ADAM8: variants seen among roughly 807,000 people sequenced by gnomAD.
ADAM8 encodes the protein disintegrin and metalloproteinase domain-containing protein 8.
ADAM8 carries 104 observed loss-of-function variants against 102.4 expected under a neutral mutation model. The observed-to-expected ratio is 1.02, with a 90% CI of 0.87 to 1.20. The LOEUF is 1.20. Among genes scored for constraint, ADAM8 ranks in the 50% most tolerant of loss-of-function variants. The pLI is 0.00. For missense variants in ADAM8, 1,132 were observed against 1,159.0 expected (o/e 0.98, Z 0.34); for synonymous variants, 517 against 485.2 (o/e 1.07, Z -0.86).
At chr10:133,271,990 C>T in intron 10 of ADAM8, 36 bp from the exon 11 acceptor site, 1 of 1,596,420 alleles carries the variant, frequency 6.3e-7, no homozygotes, top group Non-Finnish European at 8.6e-7. Flanking sequence ...AACCATGTGG[C>T]CAACTCCCCA....
chr10:133,273,215 C>T (rs777362441), intron 6 of ADAM8, 39 bp downstream of exon 6: 10 of 1,590,044 alleles, frequency 6.3e-6, no homozygotes, highest in South Asian at 5.6e-5. Flanking sequence ...AAGTGGACAC[C>T]GGCAGGGCCA....
At position 133,272,437 on chromosome 10, in the gene ADAM8, T is replaced by C. The variant is rs758464748; in HGVS notation, c.854A>G (p.His285Arg). The change falls in exon 9 of 23, where the codon CAT becomes CGT. Residue 285 changes from histidine (H) to arginine (R), a missense_variant. Transcript: ENST00000445355. ...QARQRTRRHL[H>R]DNVQLITGVD... Reference sequence around the variant, plus strand: ...TCACGTGATGAGCTGTACGTTGTCATGCAGGTGCCGCCGTGTCCGTTGCCG... The same window carrying C: ...TCACGTGATGAGCTGTACGTTGTCACGCAGGTGCCGCCGTGTCCGTTGCCG... 5 of 1,606,360 alleles carry C rather than the reference T, an allele frequency of 3.1e-6. No individual in the cohort carries two copies. The African/African-American group carries it at 4.0e-5, about 13-fold the overall frequency.
In ADAM8 at chr10:133,264,038, C is replaced by T. The variant is rs1846248096; in HGVS notation, c.2320-273G>A. Among the ~76,000 whole-genome samples the T allele has an allele frequency of 2.0e-5, 3 of 151,420 alleles. No individual in the cohort carries two copies. In the South Asian group the frequency reaches 6.3e-4, roughly 32 times the overall value. On this transcript the variant is annotated intron_variant, in intron 21 of 22. Coordinates refer to ENST00000445355, the MANE Select transcript of ADAM8 (RefSeq NM_001109.5). ...CCCTAACCAACCCCCATATTACCCT[C>T]CAAGAGCTTTTTTCCTTTCCTTTTT...
intron 1 of ADAM8, chr10:133,275,914 C>T (rs569575118): frequency 7.1e-6 from 2 of 281,212 alleles, no homozygotes; most frequent in East Asian, 6.3e-5. Context: ...ATGAACCTTC[C>T]CCCCAGGGAG....
chr10:133,270,270 G>A (rs1846475217), intron 16 of ADAM8, 90 bp downstream of exon 16: 1 of 1,487,094 alleles, frequency 6.7e-7, no homozygotes, highest in Non-Finnish European at 9.1e-7. Context: ...GCCTCGAGCA[G>A]CTGCCAAGCT....
chr10:133,263,056 G>A lies in ADAM8; in HGVS notation c.*100C>T. The A allele has an allele frequency of 7.2e-7, 1 of 1,395,408 alleles. No individual in the cohort carries two copies. 86.4% of individuals were successfully genotyped at this position (1,395,408 alleles called of 1,614,324 possible). ...ACAGCAGCTGAGCCTGCAAAGTCAG[G>A]GTCTAGGGCTGAGCGGCACTAGCTG... On this transcript the variant is annotated 3_prime_UTR_variant, in exon 23 of 23. Coordinates refer to ENST00000445355, the MANE Select transcript of ADAM8 (RefSeq NM_001109.5).
chr10:133,272,411 C>A lies in ADAM8; in HGVS notation c.875+5G>T. 6.3e-7 allele frequency: 1 copy of A among 1,583,696 alleles called. No individual in the cohort carries two copies. Reference sequence around the variant, plus strand: ...CTCCCCACCCTGCCCGCTCCGCCAGCTCACGTGATGAGCTGTACGTTGTCA... The same window carrying A: ...CTCCCCACCCTGCCCGCTCCGCCAGATCACGTGATGAGCTGTACGTTGTCA... On this transcript the variant is annotated splice_donor_5th_base_variant and intron_variant, in intron 9 of 22. Coordinates refer to ENST00000445355, the MANE Select transcript of ADAM8 (RefSeq NM_001109.5).
rs753886877 is a variant in ADAM8 at position 133,263,057 on chromosome 10, G to A, written c.*99C>T. On this transcript the variant is annotated 3_prime_UTR_variant, in exon 23 of 23. Coordinates refer to ENST00000445355, the MANE Select transcript of ADAM8 (RefSeq NM_001109.5). Reference sequence around the variant, plus strand: ...CAGCAGCTGAGCCTGCAAAGTCAGGGTCTAGGGCTGAGCGGCACTAGCTGG... The same window carrying A: ...CAGCAGCTGAGCCTGCAAAGTCAGGATCTAGGGCTGAGCGGCACTAGCTGG... 76 of 1,410,010 alleles carry A rather than the reference G, an allele frequency of 5.4e-5. No homozygotes were observed. In the East Asian group the frequency reaches 1.6e-3, roughly 30 times the overall value. 87.3% of individuals were successfully genotyped at this position (1,410,010 alleles called of 1,614,324 possible).
At position 133,272,860 on chromosome 10, in the gene ADAM8, T is replaced by A. The variant is rs1357352857; in HGVS notation, c.643A>T (p.Met215Leu). ...YVVVDNAEFQ[M>L]LGSEAAVRHR... ...CGCACGGCTGCTTCGCTCCCCAGCATCTGGAACTGGGGACACGAGACCCTC... is the reference window on the plus strand; with the variant it reads ...CGCACGGCTGCTTCGCTCCCCAGCAACTGGAACTGGGGACACGAGACCCTC... Residue 215 changes from methionine to leucine, a missense_variant, in exon 8 of 23, where the codon ATG becomes TTG. Transcript: ENST00000445355. The A allele has an allele frequency of 6.2e-7, 1 of 1,611,294 alleles. No homozygotes were observed. Among genetic ancestry groups the A allele is most frequent in the Admixed American group, 1.7e-5 (1 of 59,958 alleles).
At position 133,271,707 on chromosome 10, in the gene ADAM8, T is replaced by C; in HGVS notation, c.1107-2A>G. 1.3e-6 allele frequency: 2 copies of C among 1,573,360 alleles called. No individual in the cohort carries two copies. Among genetic ancestry groups the C allele is most frequent in the Non-Finnish European group, 1.7e-6 (2 of 1,159,522 alleles). On this transcript the variant is annotated splice_acceptor_variant, in intron 11 of 22. Transcript: ENST00000445355. LOFTEE classifies it high-confidence loss of function. ...CTGAACATCCTGGGGAAACTGGAGC[T>C]GGGGAGGCGGGGCAGCATTGGGGGA...
chr10:133,269,802 G>A (rs1846458542), intron 17 of ADAM8, 95 bp downstream of exon 17: 1 of 1,424,194 alleles, frequency 7.0e-7, no homozygotes, highest in African/African-American at 1.4e-5. Context: ...GGCTCCCCCA[G>A]CCTCAGGCTC....
At position 133,271,035 on chromosome 10, in the gene ADAM8, C is replaced by G; in HGVS notation, c.1410G>C (p.Lys470Asn). 1 of 1,612,582 alleles carries G rather than the reference C, an allele frequency of 6.2e-7. No individual in the cohort carries two copies. The highest frequency in any genetic ancestry group is 8.5e-7 in the Non-Finnish European group (1 of 1,179,930). Residue 470 changes from lysine (K) to asparagine (N), a missense_variant, in exon 14 of 23, where the codon AAG becomes AAC. Transcript: ENST00000445355. ...KPAGELCRPK[K>N]DMCDLEEFCD... ...AGAACTCCTCGAGGTCACACATGTC[C>G]TTCTTGGGACGGCACAGCTCACCAG...
At chr10:133,269,751 G>A (rs1846456778) in intron 17 of ADAM8, 146 bp downstream of exon 17, 10 of 1,055,408 alleles carry the variant, frequency 9.5e-6, no homozygotes, top group South Asian at 5.9e-5. Flanking sequence ...GGCCTCAGCC[G>A]ACAGGGGCTC....
chr10:133,270,167 A>G (rs530842523), intron 16 of ADAM8, among the ~76,000 whole-genome samples, 193 bp from the exon 17 acceptor site: 1 of 152,348 alleles, frequency 6.6e-6, no homozygotes, highest in Admixed American at 6.5e-5. Context: ...GCCGCCGGCG[A>G]CGGCCATCAG....
chr10:133,273,558 C>T lies in ADAM8; in HGVS notation c.384-115G>A, dbSNP rs1051030778. On this transcript the variant is annotated intron_variant, in intron 5 of 22. Transcript: ENST00000445355. ...GCTCCCCCTACCCTGCCACCAGCAGCCCCCCGCAGGTGACTTCAGGCCCCA... is the reference window on the plus strand; with the variant it reads ...GCTCCCCCTACCCTGCCACCAGCAGTCCCCCGCAGGTGACTTCAGGCCCCA... 6.8e-6 allele frequency: 9 copies of T among 1,332,954 alleles called. No individual in the cohort carries two copies. In the African/African-American group the frequency reaches 1.2e-4, roughly 18 times the overall value. 82.6% of individuals were successfully genotyped at this position (1,332,954 alleles called of 1,614,324 possible). A position where few individuals can be genotyped will look rare whatever the true frequency, so the allele number is the denominator to read the frequency against.
intron 21 of ADAM8, chr10:133,263,974 G>A (rs1846245565): frequency 4.5e-6 from 2 of 441,434 alleles, no homozygotes; most frequent in African/African-American, 2.1e-5. Context: ...GTGGCAGAAC[G>A]CCATCCTGGG....
At chr10:133,267,299 A>C in intron 21 of ADAM8, 53 bp downstream of exon 21, 2 of 1,550,954 alleles carry the variant, frequency 1.3e-6, no homozygotes, top group Non-Finnish European at 1.8e-6. Context: ...CAATCCCATC[A>C]GGAAGGCCTG....
chr10:133,274,852 A>C, intron 2 of ADAM8: 1 of 433,874 alleles, frequency 2.3e-6, no homozygotes, highest in East Asian at 8.1e-5. Context: ...CCCCATGTGC[A>C]GGCTGGGGCT....
intron 2 of ADAM8, chr10:133,275,108 G>A: frequency 3.2e-6 from 1 of 308,296 alleles, no homozygotes; most frequent in Non-Finnish European, 6.1e-6. Flanking sequence ...TCAGTTTCTA[G>A]CCCTGGGAAA....
Sources: allele counts gnomAD v4.1 joint callset (sites outside exome capture counted in the v4.1 genomes callset), GRCh38; gene constraint gnomAD v4.1.1; transcripts MANE v1.5; gene names NCBI Gene and HGNC (gene_info 2026-07-23, HGNC 2026-07-21).